C17orf67: variants seen among roughly 807,000 people sequenced by gnomAD.
The protein encoded by C17orf67 is chromosome 17 open reading frame 67, also known as uncharacterized protein C17orf67.
A neutral mutation model predicts 11.2 loss-of-function variants in C17orf67; 12 were observed. The observed-to-expected ratio is 1.07, with a 90% confidence interval of 0.68 to 1.73. C17orf67 has a LOEUF of 1.73. Ranked by LOEUF, C17orf67 falls within the 40% of genes most tolerant of loss-of-function variation. C17orf67 has a pLI of 0.00. For missense variants in C17orf67, 115 were observed against 113.5 expected, an observed-to-expected ratio of 1.01 and a Z score of -0.06; for synonymous variants, 59 against 46.9, an observed-to-expected ratio of 1.26 and a Z score of -1.05.
At chr17:56,810,194 C>T (rs1905583155) in intron 6 of C17orf67, among the ~76,000 whole-genome samples, 1 of 141,452 alleles carries the variant, frequency 7.1e-6, no homozygotes, top group Non-Finnish European at 1.5e-5. Flanking sequence ...ACACCCTTCA[C>T]ACACACACTC....
chr17:56,802,623 A>G (rs1319868895), intron 6 of C17orf67, among the ~76,000 whole-genome samples: 1 of 152,220 alleles, frequency 6.6e-6, no homozygotes, highest in African/African-American at 2.4e-5. Flanking sequence ...TGGGATCCCA[A>G]TACTACAGGG....
intron 6 of C17orf67, among the ~76,000 whole-genome samples, chr17:56,803,221 T>C (rs1470580572): frequency 6.6e-6 from 1 of 152,214 alleles, no homozygotes; most frequent in East Asian, 1.9e-4. Flanking sequence ...GCATGTTTTA[T>C]GTGCATGTTG....
intron 4 of C17orf67, among the ~76,000 whole-genome samples, chr17:56,823,026 G>C (rs1905942590): frequency 6.6e-6 from 1 of 152,226 alleles, no homozygotes; most frequent in Non-Finnish European, 1.5e-5. Flanking sequence ...CCAGTGTCAG[G>C]CTTCTCTCCA....
In C17orf67 at chr17:56,833,751, G is replaced by C. The variant is rs975231200; in HGVS notation, c.-1135C>G. The C allele has an allele frequency of 2.6e-5, 4 of 151,834 alleles. No homozygotes were observed. The highest frequency in any genetic ancestry group is 1.9e-4 in the East Asian group (1 of 5,132). 9.4% of individuals were successfully genotyped at this position (151,834 alleles called of 1,614,324 possible). A position where few individuals can be genotyped will look rare whatever the true frequency, so the allele number is the denominator to read the frequency against. Reference sequence around the variant, plus strand: ...GGTTCGGCTCAAGTCGGGGGCACTCGTGTCTGCGCCGAGCGGCGGGCGTGA... The same window carrying C: ...GGTTCGGCTCAAGTCGGGGGCACTCCTGTCTGCGCCGAGCGGCGGGCGTGA... On this transcript the variant is annotated 5_prime_UTR_variant, in exon 1 of 8. Transcript: ENST00000397861.
Position 56,815,957 on chromosome 17 carries a change from G to A in C17orf67, c.-147C>T, listed in dbSNP as rs117984213. The A allele has an allele frequency of 0.02, 29,092 of 1,428,760 alleles. 356 individuals carry two copies. Among genetic ancestry groups the A allele is most frequent in the Non-Finnish European group, 0.024 (25,981 of 1,068,370 alleles). 88.5% of individuals were successfully genotyped at this position (1,428,760 alleles called of 1,614,324 possible). On this transcript the variant is annotated 5_prime_UTR_variant, in exon 5 of 8. In the 5' UTR this introduces an upstream ATG that the reference lacks. Transcript: ENST00000397861. ...ATGCTGAATGTATCTGACTCTGAGC[G>A]TTTTAGTAATGACCACTGAAATATT...
chr17:56,824,027 T>C, intron 4 of C17orf67, among the ~76,000 whole-genome samples: 1 of 152,250 alleles, frequency 6.6e-6, no homozygotes, highest in South Asian at 2.1e-4. Flanking sequence ...CTGCTATGAT[T>C]GGAGTGCCCC....
intron 4 of C17orf67, among the ~76,000 whole-genome samples, chr17:56,818,989 C>T (rs1006756318): frequency 4.6e-5 from 7 of 152,200 alleles, no homozygotes; most frequent in African/African-American, 1.7e-4. Flanking sequence ...TCAATCTGTT[C>T]TCCAGGTAGC....
chr17:56,832,275 T>C (rs1906227625), intron 2 of C17orf67, among the ~76,000 whole-genome samples: 1 of 152,180 alleles, frequency 6.6e-6, no homozygotes, highest in African/African-American at 2.4e-5. Flanking sequence ...TGCTCAAAGC[T>C]GCATCCATAG....
At chr17:56,813,250 C>G (rs1442742327) in intron 6 of C17orf67, among the ~76,000 whole-genome samples, 1 of 152,118 alleles carries the variant, frequency 6.6e-6, no homozygotes, top group African/African-American at 2.4e-5. Flanking sequence ...TCCCTCCCTC[C>G]AGGCATCCTC....
intron 5 of C17orf67, among the ~76,000 whole-genome samples, 189 bp downstream of exon 5, chr17:56,815,567 T>TA (rs890862498): frequency 1.3e-5 from 2 of 152,054 alleles, no homozygotes; most frequent in African/African-American, 4.8e-5. Context: ...TAAAGATTTT[T>TA]AAAAAATATA....
At chr17:56,798,542 T>C (rs551566251) in intron 6 of C17orf67, among the ~76,000 whole-genome samples, 4 of 152,228 alleles carry the variant, frequency 2.6e-5, no homozygotes, top group East Asian at 3.9e-4. Flanking sequence ...CACAAATGCA[T>C]GGCAGTCGGG....
At chr17:56,822,853 CAATACAATGGT>C (rs775579483) in intron 4 of C17orf67, among the ~76,000 whole-genome samples, 3 of 152,224 alleles carry the variant, frequency 2.0e-5, no homozygotes, top group Non-Finnish European at 2.9e-5. Flanking sequence ...TCTGCAGCAG[CAATACAATGGT>C]AAGATGTTTT....
intron 4 of C17orf67, among the ~76,000 whole-genome samples, chr17:56,823,631 T>C (rs1434130546): frequency 6.6e-6 from 1 of 152,034 alleles, no homozygotes; most frequent in African/African-American, 2.4e-5. Context: ...TAAGGAAATC[T>C]TTTAGAAAAA....
At chr17:56,803,836 A>C (rs1905382316) in intron 6 of C17orf67, 1 of 152,274 alleles carries the variant, frequency 6.6e-6, no homozygotes, top group Admixed American at 6.5e-5. Context: ...AGAAATGAGC[A>C]CTGGTTTCCA....
intron 2 of C17orf67, among the ~76,000 whole-genome samples, chr17:56,829,022 G>GT (rs995389658): frequency 1.3e-5 from 2 of 152,164 alleles, no homozygotes; most frequent in Admixed American, 6.5e-5. Context: ...GCTCACACCT[G>GT]TAATTTCAAC....
chr17:56,809,420 G>A (rs541427792), intron 6 of C17orf67, among the ~76,000 whole-genome samples: 28 of 152,008 alleles, frequency 1.8e-4, no homozygotes, highest in South Asian at 6.2e-4. Context: ...AAGTCAAGGC[G>A]AAAGTAGAAG....
chr17:56,830,805 C>T (rs1906178533), intron 2 of C17orf67, among the ~76,000 whole-genome samples: 1 of 152,208 alleles, frequency 6.6e-6, no homozygotes, highest in African/African-American at 2.4e-5. Context: ...AATAGTTAAA[C>T]AGACTGGATT....
Position 56,816,578 on chromosome 17 carries a change from T to C in C17orf67, c.-200-568A>G, listed in dbSNP as rs114914629. ...GTGAAATCAAGTTCAAGTTCACACATTATGGATGCCAAGGTAGAGCCTACG... is the reference window on the plus strand; with the variant it reads ...GTGAAATCAAGTTCAAGTTCACACACTATGGATGCCAAGGTAGAGCCTACG... On this transcript the variant is annotated intron_variant, in intron 4 of 7. Transcript: ENST00000397861. Among the ~76,000 whole-genome samples the C allele has an allele frequency of 8.9e-3, 1,357 of 152,262 alleles. 14 individuals are homozygous for C. The highest frequency in any genetic ancestry group is 0.021 in the African/African-American group (861 of 41,544).
intron 7 of C17orf67, among the ~76,000 whole-genome samples, chr17:56,794,595 CT>C: frequency 6.6e-6 from 1 of 152,236 alleles, no homozygotes; most frequent in Middle Eastern, 3.4e-3. Flanking sequence ...GCCTTGAAGG[CT>C]GCAGGAAGGC....
Sources: gnomAD v4.1 joint callset for allele counts (sites outside exome capture counted in the v4.1 genomes callset) on GRCh38, gnomAD v4.1.1 for gene constraint, MANE v1.5 for transcripts, NCBI Gene and HGNC (gene_info 2026-07-23, HGNC 2026-07-21) for gene names.